Variants in LRP12 observed in about 807,000 individuals in gnomAD.
LRP12 encodes LDL receptor related protein 12.
Under a neutral mutation model 66.0 loss-of-function variants are expected in LRP12, and 14 were observed. The ratio of observed to expected loss-of-function variants is 0.21; its 90% confidence interval spans 0.14 to 0.33. The LOEUF (loss-of-function observed/expected upper bound fraction) is 0.33. LRP12 is among the 10% of genes least tolerant of loss of function. The pLI is 1.00. For synonymous variants in LRP12, 357 were observed against 359.1 expected (o/e 0.99, Z 0.07); for missense variants, 889 against 1,053.4 (o/e 0.84, Z 2.16).
intron 2 of LRP12, among the ~76,000 whole-genome samples, chr8:104,512,271 C>T (rs1226588177): frequency 1.3e-5 from 2 of 152,112 alleles, no homozygotes; most frequent in South Asian, 2.1e-4. Context: ...AAGCTGAGAT[C>T]GTGCCACTGC....
At chr8:104,563,431 CTATAT>C (rs894545351) in intron 1 of LRP12, among the ~76,000 whole-genome samples, 7 of 151,860 alleles carry the variant, frequency 4.6e-5, no homozygotes, top group African/African-American at 1.7e-4. Flanking sequence ...GTCTGTCTTA[CTATAT>C]TATATATTTG....
At chr8:104,549,446 A>G (rs1588501936) in intron 1 of LRP12, among the ~76,000 whole-genome samples, 1 of 122,222 alleles carries the variant, frequency 8.2e-6, no homozygotes. Flanking sequence ...TCTGTCGCCC[A>G]GGCTGGAGTG....
chr8:104,496,128 G>T (rs989711084), intron 5 of LRP12: 14 of 152,084 alleles, frequency 9.2e-5, no homozygotes, highest in African/African-American at 2.7e-4. Context: ...CATTTATCCT[G>T]CATCAAACTG....
At chr8:104,501,427 T>A (rs1810826265) in intron 3 of LRP12, among the ~76,000 whole-genome samples, 1 of 151,848 alleles carries the variant, frequency 6.6e-6, no homozygotes, top group Non-Finnish European at 1.5e-5. Context: ...TGGCCGGGCA[T>A]GGTGGCTCAC....
At chr8:104,512,620 C>T (rs1811014804) in intron 2 of LRP12, among the ~76,000 whole-genome samples, 1 of 152,074 alleles carries the variant, frequency 6.6e-6, no homozygotes, top group Non-Finnish European at 1.5e-5. Flanking sequence ...GGACAAAGAA[C>T]ATTCCTAACC....
intron 1 of LRP12, among the ~76,000 whole-genome samples, chr8:104,556,016 C>T (rs1473136869): frequency 6.6e-6 from 1 of 152,060 alleles, no homozygotes; most frequent in Non-Finnish European, 1.5e-5. Context: ...AATCCTCAAA[C>T]CCATGCAAAT....
intron 2 of LRP12, among the ~76,000 whole-genome samples, chr8:104,523,813 C>A (rs1187934157): frequency 6.6e-6 from 1 of 152,028 alleles, no homozygotes; most frequent in Non-Finnish European, 1.5e-5. Context: ...TGCAGCTGCC[C>A]ATCTTATCAA....
intron 1 of LRP12, chr8:104,566,223 T>A: frequency 1.5e-6 from 1 of 651,430 alleles, no homozygotes; most frequent in Non-Finnish European, 2.4e-6. Flanking sequence ...ATAGAAAGTA[T>A]ACAGAACAGA....
In LRP12 at chr8:104,491,173, T is replaced by C. The variant is rs16871494; in HGVS notation, c.2080A>G (p.Ser694Gly). 6.0e-3 allele frequency: 9,705 copies of C among 1,614,054 alleles called. 435 individuals carry two copies. In the African/African-American group the frequency reaches 0.11, roughly 18 times the overall value. ...CCTCGGGTACTCTGAGTTGAGGAAC[T>C]TGCACATGCTCCTACTGTCGCTTCT... is the stretch of plus-strand genomic sequence containing the variant. ...AVEATVGACA[S>G]SSTQSTRGGH... The change falls in exon 7 of 7, where the codon AGT becomes GGT. Residue 694 changes from serine (S) to glycine (G), a missense_variant. By Grantham distance (56) the Ser-to-Gly change is moderately conservative. Transcript: ENST00000276654.
intron 1 of LRP12, among the ~76,000 whole-genome samples, chr8:104,586,870 T>G (rs924981391): frequency 6.6e-6 from 1 of 152,132 alleles, no homozygotes; most frequent in South Asian, 2.1e-4. Context: ...TGCTGTGGCT[T>G]GAGACATCAA....
chr8:104,549,434 G>C (rs1811692800), intron 1 of LRP12, among the ~76,000 whole-genome samples: 1 of 109,624 alleles, frequency 9.1e-6, no homozygotes. Context: ...ACAGAGTCTT[G>C]CTCTGTCGCC....
In LRP12 at chr8:104,491,378, T is replaced by G. The variant is rs1401758210; in HGVS notation, c.1875A>C (p.Gly625=). 6.2e-7 allele frequency: 1 copy of G among 1,613,996 alleles called. No individual in the cohort carries two copies. The highest frequency in any genetic ancestry group is 8.5e-7 in the Non-Finnish European group (1 of 1,180,006). The change falls in exon 7 of 7, where the codon GGA becomes GGC. Residue 625 remains glycine (G), a synonymous_variant. Coordinates refer to ENST00000276654, the MANE Select transcript of LRP12 (RefSeq NM_013437.5). ...SGSLALVSAD[G]DEVVPSQSTS... Reference sequence around the variant, plus strand: ...TACTCTGACTAGGGACAACCTCATCTCCATCTGCTGAGACCAAAGCCAATG... The same window carrying G: ...TACTCTGACTAGGGACAACCTCATCGCCATCTGCTGAGACCAAAGCCAATG...
At chr8:104,562,631 CGTG>C (rs1405987107) in intron 1 of LRP12, among the ~76,000 whole-genome samples, 1 of 151,940 alleles carries the variant, frequency 6.6e-6, no homozygotes, top group African/African-American at 2.4e-5. Flanking sequence ...TAAATTAACA[CGTG>C]GTATTTGTAT....
intron 1 of LRP12, among the ~76,000 whole-genome samples, chr8:104,580,957 T>C (rs921914289): frequency 6.6e-6 from 1 of 152,230 alleles, no homozygotes; most frequent in Non-Finnish European, 1.5e-5. Flanking sequence ...ATATAAATTG[T>C]TCTATTATAA....
chr8:104,563,810 A>G (rs1020641537), intron 1 of LRP12, among the ~76,000 whole-genome samples: 4 of 152,152 alleles, frequency 2.6e-5, no homozygotes, highest in African/African-American at 9.7e-5. Context: ...TCGATGCTGG[A>G]CTTCCCAGCC....
chr8:104,528,221 G>A (rs1258927048), intron 2 of LRP12, among the ~76,000 whole-genome samples: 2 of 152,132 alleles, frequency 1.3e-5, no homozygotes, highest in South Asian at 2.1e-4. Flanking sequence ...ACTGAGCACC[G>A]GCAAATGGAG....
At chr8:104,566,131 T>A (rs560533660) in intron 1 of LRP12, 1 of 406,938 alleles carries the variant, frequency 2.5e-6, no homozygotes, top group East Asian at 5.0e-5. Context: ...ATTGGCTATA[T>A]GCAAGAGTCC....
At chr8:104,521,084 A>G (rs1282685682) in intron 2 of LRP12, among the ~76,000 whole-genome samples, 3 of 152,012 alleles carry the variant, frequency 2.0e-5, no homozygotes, top group Non-Finnish European at 2.9e-5. Flanking sequence ...ATAACATACA[A>G]TGAGTATTCC....
intron 5 of LRP12, among the ~76,000 whole-genome samples, chr8:104,496,674 A>T (rs1810732597): frequency 6.6e-6 from 1 of 152,224 alleles, no homozygotes; most frequent in South Asian, 2.1e-4. Flanking sequence ...AGAAAAATAC[A>T]GGTTAAAACA....
Sources: allele counts gnomAD v4.1 joint callset (sites outside exome capture counted in the v4.1 genomes callset), GRCh38; gene constraint gnomAD v4.1.1; transcripts MANE v1.5; gene names NCBI Gene and HGNC (gene_info 2026-07-23, HGNC 2026-07-21).